Variants in CACNA2D3 observed in about 807,000 individuals in gnomAD.
The protein encoded by CACNA2D3 is voltage-dependent calcium channel subunit alpha-2/delta-3.
CACNA2D3 carries 60 observed loss-of-function variants against 160.6 expected under a neutral mutation model. The ratio of observed to expected loss-of-function variants is 0.37; its 90% CI spans 0.30 to 0.46. The LOEUF is 0.46. Ranked by LOEUF, CACNA2D3 falls within the 20% of genes least tolerant of loss-of-function variation. The pLI is 1.00. For missense variants in CACNA2D3, 1,205 were observed against 1,365.0 expected, an observed-to-expected ratio of 0.88 and a Z score of 1.85; for synonymous variants, 558 against 492.9, an observed-to-expected ratio of 1.13 and a Z score of -1.75.
chr3:54,443,951 T>C (rs1700182661), intron 4 of CACNA2D3, among the ~76,000 whole-genome samples: 1 of 152,150 alleles, frequency 6.6e-6, no homozygotes, highest in Non-Finnish European at 1.5e-5. Flanking sequence ...TCTCTTTGCT[T>C]CTGGACTTCC....
chr3:54,276,655 T>G (rs1702747271), intron 2 of CACNA2D3, among the ~76,000 whole-genome samples: 1 of 151,662 alleles, frequency 6.6e-6, no homozygotes, highest in Non-Finnish European at 1.5e-5. Flanking sequence ...AAGTTTGGTA[T>G]TTTGAGGCAG....
Position 55,033,819 on chromosome 3 carries a change from A to AC in CACNA2D3, c.2987+15502_2987+15503insC, listed in dbSNP as rs1703745314. 2.7e-5 allele frequency among the ~76,000 whole-genome samples: 3 copies of AC among 109,458 alleles called. 1 individual carries two copies. In the South Asian group the frequency reaches 7.6e-4, roughly 28 times the overall value. The allele number at this position is 109,458 out of a possible 152,430, so 71.8% of individuals were successfully genotyped here. ...TTTTATATAATATGTATTATATATT[A>AC]AATATATTTAATATATAATATATAT... is the stretch of plus-strand genomic sequence containing the variant. On this transcript the variant is annotated intron_variant, in intron 35 of 37. Transcript: ENST00000474759.
At chr3:54,495,885 G>A (rs1289839614) in intron 4 of CACNA2D3, among the ~76,000 whole-genome samples, 2 of 152,166 alleles carry the variant, frequency 1.3e-5, no homozygotes, top group Non-Finnish European at 2.9e-5. Context: ...AATTTTGCCT[G>A]TATTAGAACT....
At chr3:54,898,066 C>T (rs554523808) in intron 26 of CACNA2D3, among the ~76,000 whole-genome samples, 5 of 151,856 alleles carry the variant, frequency 3.3e-5, no homozygotes, top group Non-Finnish European at 1.5e-5. Flanking sequence ...CCGAAGCTCG[C>T]TTGCTTGCTT....
chr3:54,507,445 G>T (rs1701388921), intron 5 of CACNA2D3, among the ~76,000 whole-genome samples: 1 of 152,170 alleles, frequency 6.6e-6, no homozygotes, highest in Admixed American at 6.5e-5. Context: ...TGAGGGCAGA[G>T]GACCCTGCAG....
chr3:54,168,587 C>A (rs1700501285), intron 2 of CACNA2D3, among the ~76,000 whole-genome samples: 1 of 152,132 alleles, frequency 6.6e-6, no homozygotes, highest in Non-Finnish European at 1.5e-5. Context: ...AAATGAGATT[C>A]CCAGAGTGTT....
chr3:54,834,399 A>G (rs1698623724), intron 14 of CACNA2D3, among the ~76,000 whole-genome samples: 1 of 152,202 alleles, frequency 6.6e-6, no homozygotes, highest in Non-Finnish European at 1.5e-5. Context: ...TAATTCTAAG[A>G]GAACTATTTA....
Position 54,943,203 on chromosome 3 carries a change from T to TAAAAA in CACNA2D3, c.2450-25237_2450-25233dup, listed in dbSNP as rs34708598. Among the ~76,000 whole-genome samples the TAAAAA allele has an allele frequency of 1.4e-3, 194 of 142,148 alleles. 2 individuals are homozygous for TAAAAA. Among genetic ancestry groups the TAAAAA allele is most frequent in the African/African-American group, 4.7e-3 (181 of 38,148 alleles). The allele number at this position is 142,148 out of a possible 152,430, so 93.3% of individuals were successfully genotyped here. ...GGTAATAGCAACACGCTATCTCTGG[T>TAAAAA]AAAAAAAAAAAAAATGAGAATAATA... On this transcript the variant is annotated intron_variant, in intron 27 of 37. Transcript: ENST00000474759.
At chr3:54,323,702 G>A (rs1402210151) in intron 3 of CACNA2D3, among the ~76,000 whole-genome samples, 3 of 152,082 alleles carry the variant, frequency 2.0e-5, no homozygotes, top group Admixed American at 2.0e-4. Context: ...TCCTGACCTC[G>A]TGATCTGCCT....
At position 54,627,895 on chromosome 3, in the gene CACNA2D3, T is replaced by C; in HGVS notation, c.1053+19T>C. ...GAGTGATGTAAGTTCCTCTTTGATTTGCCTTTCTCATCCCTTGGAGAATAG... is the reference window on the plus strand; with the variant it reads ...GAGTGATGTAAGTTCCTCTTTGATTCGCCTTTCTCATCCCTTGGAGAATAG... On this transcript the variant is annotated intron_variant, in intron 10 of 37. Coordinates refer to ENST00000474759, the MANE Select transcript of CACNA2D3 (RefSeq NM_018398.3). 1 of 1,509,192 alleles carries C rather than the reference T, an allele frequency of 6.6e-7. No individual in the cohort carries two copies. The highest frequency in any genetic ancestry group is 9.1e-7 in the Non-Finnish European group (1 of 1,094,144). The allele number at this position is 1,509,192 out of a possible 1,614,324, so 93.5% of individuals were successfully genotyped here.
rs144895861 is a variant in CACNA2D3, at chr3:54,644,210, A to T, written c.1167+1969A>T. 1.5e-4 allele frequency among the ~76,000 whole-genome samples: 23 copies of T among 152,274 alleles called. No individual in the cohort carries two copies. The East Asian group carries it at 4.5e-3, about 30-fold the overall frequency. ...TTTCCAAATGAATAGTATTCATTTT[A>T]GGCCAGATGCGTTCTTGGATTAATT... On this transcript the variant is annotated intron_variant, in intron 11 of 37. Transcript: ENST00000474759.
At chr3:54,796,708 A>T (rs1332182885) in intron 13 of CACNA2D3, among the ~76,000 whole-genome samples, 1 of 152,206 alleles carries the variant, frequency 6.6e-6, no homozygotes. Flanking sequence ...CCCACAGCTC[A>T]CACCTCTACT....
At chr3:54,845,706 C>CT (rs2106773143) in intron 16 of CACNA2D3, among the ~76,000 whole-genome samples, 1 of 152,356 alleles carries the variant, frequency 6.6e-6, no homozygotes, top group African/African-American at 2.4e-5. Context: ...TGCTCACAAA[C>CT]TATTTCCCAT....
chr3:54,936,792 T>C (rs1237134801), intron 27 of CACNA2D3, among the ~76,000 whole-genome samples: 1 of 152,202 alleles, frequency 6.6e-6, no homozygotes, highest in Non-Finnish European at 1.5e-5. Flanking sequence ...GAAGCATGAC[T>C]ATCAGAGTTT....
intron 2 of CACNA2D3, among the ~76,000 whole-genome samples, chr3:54,245,190 A>G (rs1355562851): frequency 6.6e-6 from 1 of 152,182 alleles, no homozygotes; most frequent in Non-Finnish European, 1.5e-5. Context: ...TAATAGCTGG[A>G]TTGGAATAGA....
At chr3:54,476,556 A>T (rs1575478493) in intron 4 of CACNA2D3, among the ~76,000 whole-genome samples, 1 of 151,976 alleles carries the variant, frequency 6.6e-6, no homozygotes, top group African/African-American at 2.4e-5. Flanking sequence ...CTCCCCCTCC[A>T]TGCCAACACT....
intron 2 of CACNA2D3, among the ~76,000 whole-genome samples, chr3:54,320,009 A>T (rs1285949761): frequency 1.3e-5 from 2 of 152,154 alleles, no homozygotes; most frequent in African/African-American, 4.8e-5. Context: ...AAAAATGAGG[A>T]CTTCATGGAC....
chr3:54,714,649 A>C lies in CACNA2D3; in HGVS notation c.1168-37950A>C, dbSNP rs1363750492. Among the ~76,000 whole-genome samples the C allele has an allele frequency of 5.9e-5, 9 of 152,252 alleles. No individual in the cohort carries two copies. The East Asian group carries it at 1.7e-3, about 29-fold the overall frequency. On this transcript the variant is annotated intron_variant, in intron 11 of 37. Coordinates refer to ENST00000474759, the MANE Select transcript of CACNA2D3 (RefSeq NM_018398.3). ...TTTACACTCTTGACAAAAATTTTAC[A>C]ATCATAGACTATTTCCTCACTAGAC...
intron 4 of CACNA2D3, among the ~76,000 whole-genome samples, chr3:54,449,476 C>T (rs1037862998): frequency 2.6e-5 from 4 of 152,196 alleles, no homozygotes; most frequent in African/African-American, 7.2e-5. Context: ...AATATAACCT[C>T]ATTTGCCAAT....
Sources: allele counts gnomAD v4.1 joint callset (sites outside exome capture counted in the v4.1 genomes callset), GRCh38; gene constraint gnomAD v4.1.1; transcripts MANE v1.5; gene names NCBI Gene and HGNC (gene_info 2026-07-23, HGNC 2026-07-21).